VPS52: variants seen among roughly 807,000 people sequenced by gnomAD.
VPS52 encodes VPS52 subunit of GARP complex, also known as vacuolar protein sorting-associated protein 52 homolog.
In VPS52, 56 loss-of-function variants were observed where a neutral mutation model predicts 98.7. The observed-to-expected ratio is 0.57, with a 90% CI of 0.46 to 0.71. The LOEUF is 0.71. Among genes scored for constraint, VPS52 ranks in the 30% least tolerant of loss-of-function variants. The probability of loss-of-function intolerance (pLI) is 0.00; values close to 1 mark genes in which losing one functional copy is unlikely to be tolerated. For missense variants in VPS52, 742 were observed against 925.9 expected, an observed-to-expected ratio of 0.80 and a Z score of 2.58; for synonymous variants, 348 against 346.4, an observed-to-expected ratio of 1.00 and a Z score of -0.05.
rs1762142825 is a variant in VPS52, at chr6:33,250,895, G to A, written c.2118C>T (p.Leu706=). ...CCACCATAAGGTGGTGAATGTTGAT[G>A]AGCTCAGCCCGGGCAGGGAGGGCTC... ...QLRALPARAE[L]INIHHLMVEL... is the part of the protein sequence containing the mutation. Residue 706 remains leucine (L), a synonymous_variant, in exon 20 of 20, where the codon CTC becomes CTT. Transcript: ENST00000445902. 2 of 1,612,960 alleles carry A rather than the reference G, an allele frequency of 1.2e-6. No individual in the cohort carries two copies. The highest frequency in any genetic ancestry group is 4.5e-5 in the East Asian group (2 of 44,908).
chr6:33,250,275 G>A (rs946141106), downstream of VPS52: 1 of 152,584 alleles, frequency 6.6e-6, no homozygotes, highest in Non-Finnish European at 1.5e-5. Context: ...AATGGGATAA[G>A]TGTCATGTCA....
chr6:33,267,427 T>C lies in VPS52; in HGVS notation c.992-106A>G, dbSNP rs1260344276. On this transcript the variant is annotated intron_variant, in intron 10 of 19. Coordinates refer to ENST00000445902, the MANE Select transcript of VPS52 (RefSeq NM_022553.6). The surrounding 1 kb of genome is among the most constrained non-coding windows in gnomAD (Gnocchi z 4.2). ...GCAGACGTGGCCTAGCCAGCCCTCT[T>C]TCCCAGTACTAGGGCCCCACGTGCT... 1.3e-5 allele frequency: 19 copies of C among 1,489,872 alleles called. No individual in the cohort carries two copies. The African/African-American group carries it at 2.4e-4, about 19-fold the overall frequency. The allele number at this position is 1,489,872 out of a possible 1,614,324, so 92.3% of individuals were successfully genotyped here.
At position 33,251,925 on chromosome 6, in the gene VPS52, G is replaced by A; in HGVS notation, c.1841C>T (p.Ala614Val). The A allele has an allele frequency of 6.2e-7, 1 of 1,613,106 alleles. No individual in the cohort carries two copies. The highest frequency in any genetic ancestry group is 8.5e-7 in the Non-Finnish European group (1 of 1,180,024). ...LLSPPFGGLV[A>V]FVKEAEALIE... Reference sequence around the variant, plus strand: ...CAAAGCCTCAGCCTCCTTCACAAATGCCACTAAACCCCCAAAAGGGGGAGA... The same window carrying A: ...CAAAGCCTCAGCCTCCTTCACAAATACCACTAAACCCCCAAAAGGGGGAGA... The change falls in exon 18 of 20, where the codon GCA (alanine) becomes GTA (valine). Residue 614 changes from alanine to valine, a missense_variant. By Grantham distance (64) the Ala-to-Val change is moderately conservative. Around this residue, in one of 2 missense-constraint regions of VPS52, gnomAD observed 590 missense variants for 793.3 expected, o/e 0.74. Transcript: ENST00000445902.
intron 18 of VPS52, 112 bp from the exon 19 acceptor site, chr6:33,251,748 T>C (rs1164097268): frequency 1.1e-5 from 15 of 1,423,684 alleles, no homozygotes; most frequent in Middle Eastern, 1.8e-4. Flanking sequence ...TCTGGTATTC[T>C]CTCAATCCAG....
At chr6:33,263,414 C>CACACACACACACAG (rs142124369) in intron 17 of VPS52, 70 bp downstream of exon 17, 16,591 of 952,458 alleles carry the variant, frequency 0.017, 88 homozygotes, top group East Asian at 0.071. Context: ...CACACACACA[C>CACACACACACACAG]AGAGAGAGAG....
In VPS52 at chr6:33,266,677, G is replaced by T; in HGVS notation, c.1161C>A (p.Tyr387Ter). ...CGCGGCAGGAATTGTCTAGGAGGGCGTAGTGCTGGCTGCGGAAGAGGGCCT... is the reference window on the plus strand; with the variant it reads ...CGCGGCAGGAATTGTCTAGGAGGGCTTAGTGCTGGCTGCGGAAGAGGGCCT... Reference protein sequence around the residue: ...PFEALFRSQHYALLDNSCREY... With the variant: ...PFEALFRSQH The change falls in exon 12 of 20, where the codon TAC becomes TAA. Residue 387 changes from tyrosine (Y) to a stop codon, truncating the protein, a stop_gained. Coordinates refer to ENST00000445902, the MANE Select transcript of VPS52 (RefSeq NM_022553.6). LOFTEE classifies it high-confidence loss of function. 1.2e-6 allele frequency: 2 copies of T among 1,612,520 alleles called. No homozygotes were observed. The highest frequency in any genetic ancestry group is 8.5e-7 in the Non-Finnish European group (1 of 1,179,730).
rs1562575837 is a variant in VPS52, at chr6:33,269,096, T to C, written c.466A>G (p.Ile156Val). 5.0e-6 allele frequency: 8 copies of C among 1,612,988 alleles called. No individual in the cohort carries two copies. The highest frequency in any genetic ancestry group is 6.8e-6 in the Non-Finnish European group (8 of 1,179,996). Reference sequence around the variant, plus strand: ...ACTGCCTGGCGATTTCGAAGTCGAATGTTCATGGCTCCTGACTGTTCCTGC... The same window carrying C: ...ACTGCCTGGCGATTTCGAAGTCGAACGTTCATGGCTCCTGACTGTTCCTGC... ...TLQEQSGAMN[I>V]RLRNRQAVRG... is the part of the protein sequence containing the mutation. The change falls in exon 6 of 20, where the codon ATT becomes GTT. Residue 156 changes from isoleucine to valine, a missense_variant. This residue lies in a region of VPS52 where 590 missense variants were observed against 793.3 expected (regional missense o/e 0.74). Transcript: ENST00000445902.
At chr6:33,258,517 G>T in intron 17 of VPS52, among the ~76,000 whole-genome samples, 1 of 149,802 alleles carries the variant, frequency 6.7e-6, no homozygotes, top group South Asian at 2.1e-4. Context: ...TGTAACCTAC[G>T]TATAATCAAC....
intron 17 of VPS52, among the ~76,000 whole-genome samples, chr6:33,255,663 G>A (rs1243893393): frequency 6.6e-6 from 1 of 151,554 alleles, no homozygotes; most frequent in Non-Finnish European, 1.5e-5. Context: ...ATGGTGCTGG[G>A]CACCTGTAGT....
chr6:33,268,835 C>T lies in VPS52; in HGVS notation c.548+179G>A, dbSNP rs370712636. 6.6e-6 allele frequency among the ~76,000 whole-genome samples: 1 copy of T among 152,222 alleles called. No individual in the cohort carries two copies. Among genetic ancestry groups the T allele is most frequent in the African/African-American group, 2.4e-5 (1 of 41,460 alleles). ...CCCCACTATACACCTGATCTTACAT[C>T]ATTCTTAATCTTAATCTTTGATGCC... On this transcript the variant is annotated intron_variant, in intron 6 of 19. Coordinates refer to ENST00000445902, the MANE Select transcript of VPS52 (RefSeq NM_022553.6). This position sits in a 1 kb window ranked among gnomAD's most constrained non-coding sequence, Gnocchi z 4.0.
intron 17 of VPS52, among the ~76,000 whole-genome samples, chr6:33,261,274 C>T (rs1021259854): frequency 1.3e-5 from 2 of 151,960 alleles, no homozygotes; most frequent in Non-Finnish European, 2.9e-5. Context: ...CAAGACAAGC[C>T]TGGCTAACAT....
At chr6:33,253,009 G>A (rs1762486781) in intron 17 of VPS52, among the ~76,000 whole-genome samples, 1 of 151,946 alleles carries the variant, frequency 6.6e-6, no homozygotes, top group Non-Finnish European at 1.5e-5. Flanking sequence ...ACACCAGACA[G>A]AGGAAGTTTG....
At chr6:33,270,560 G>A (rs1318212421) in intron 1 of VPS52, among the ~76,000 whole-genome samples, 1 of 152,178 alleles carries the variant, frequency 6.6e-6, no homozygotes, top group Non-Finnish European at 1.5e-5. Flanking sequence ...TAGAAGCTGA[G>A]ACGGGAAGAT....
In VPS52 at chr6:33,251,975, G is replaced by T; in HGVS notation, c.1795-4C>A. On this transcript the variant is annotated splice_region_variant and splice_polypyrimidine_tract_variant and intron_variant, in intron 17 of 19. Transcript: ENST00000445902. Reference sequence around the variant, plus strand: ...ACAGCAACTCTTCAATGAATTCCTGGAAAGACACAAACACATATACACAGG... The same window carrying T: ...ACAGCAACTCTTCAATGAATTCCTGTAAAGACACAAACACATATACACAGG... 1 of 1,612,336 alleles carries T rather than the reference G, an allele frequency of 6.2e-7. No individual in the cohort carries two copies. The highest frequency in any genetic ancestry group is 8.5e-7 in the Non-Finnish European group (1 of 1,179,458).
At chr6:33,271,248 T>C in intron 1 of VPS52, 1 of 606,094 alleles carries the variant, frequency 1.6e-6, no homozygotes, top group Non-Finnish European at 2.9e-6. Context: ...ACAGAGAAGC[T>C]GGTTAACTTG....
At position 33,268,567 on chromosome 6, in the gene VPS52, C is replaced by T. The variant is rs746936378; in HGVS notation, c.631G>A (p.Glu211Lys). The change falls in exon 7 of 20, where the codon GAG becomes AAG. Residue 211 changes from glutamate to lysine, a missense_variant. Physicochemically the swap from Glu to Lys is moderately conservative, Grantham distance 56. Around this residue, in one of 2 missense-constraint regions of VPS52, gnomAD observed 590 missense variants for 793.3 expected, o/e 0.74. Coordinates refer to ENST00000445902, the MANE Select transcript of VPS52 (RefSeq NM_022553.6). The surrounding 1 kb of genome is among the most constrained non-coding windows in gnomAD (Gnocchi z 4.0). ...GCTGCTGTGCCTCTAGCTTCCTGCT[C>T]TCTGACTGCGGCTGCCTTGGCATCC... ...ELDAKAAAVR[E>K]QEARGTAACA... The T allele has an allele frequency of 1.2e-6, 2 of 1,612,638 alleles. No homozygotes were observed. The highest frequency in any genetic ancestry group is 4.5e-5 in the East Asian group (2 of 44,884).
Position 33,267,850 on chromosome 6 carries a change from C to T in VPS52, c.933+15G>A, listed in dbSNP as rs764265003. 47 of 1,612,948 alleles carry T rather than the reference C, an allele frequency of 2.9e-5. No homozygotes were observed. The highest frequency in any genetic ancestry group is 3.8e-5 in the Non-Finnish European group (45 of 1,180,026). On this transcript the variant is annotated intron_variant, in intron 9 of 19. Transcript: ENST00000445902. The surrounding 1 kb of genome is among the most constrained non-coding windows in gnomAD (Gnocchi z 4.2). The stretch of plus-strand genomic sequence containing the variant: ...AGTCCATGTGCCCAGGAATACCTCT[C>T]CCTCCTGACCTTACCTGCACCTTCA...
intron 17 of VPS52, among the ~76,000 whole-genome samples, chr6:33,257,679 G>A (rs890275687): frequency 1.1e-4 from 17 of 152,134 alleles, no homozygotes; most frequent in African/African-American, 3.6e-4. Context: ...GATTACAGGC[G>A]TGAGCCACCA....
intron 17 of VPS52, among the ~76,000 whole-genome samples, chr6:33,253,805 T>A (rs893033058): frequency 6.6e-6 from 1 of 151,992 alleles, no homozygotes; most frequent in Non-Finnish European, 1.5e-5. Context: ...GAAGTGATAA[T>A]ATTCATCTGT....
Sources: gnomAD v4.1 joint callset for allele counts (sites outside exome capture counted in the v4.1 genomes callset) on GRCh38, gnomAD v4.1.1 for gene constraint, gnomAD v4.1.1 regional missense constraint, Gnocchi (gnomAD v3.1) non-coding constraint, MANE v1.5 for transcripts, NCBI Gene and HGNC (gene_info 2026-07-23, HGNC 2026-07-21) for gene names.